LRP2: variants seen among roughly 807,000 people sequenced by gnomAD.
LRP2 encodes the protein low-density lipoprotein receptor-related protein 2.
In LRP2, 172 loss-of-function variants were observed where a neutral mutation model predicts 531.0. The observed-to-expected ratio is 0.32, with a 90% confidence interval of 0.29 to 0.37. The LOEUF (loss-of-function observed/expected upper bound fraction) is 0.37, where lower values mean the gene tolerates loss of function less well. LRP2 is among the 10% of genes least tolerant of loss of function. The pLI is 1.00. For missense variants in LRP2, 5,167 were observed against 5,868.3 expected, an observed-to-expected ratio of 0.88 and a Z score of 3.90; for synonymous variants, 1,992 against 2,027.6, an observed-to-expected ratio of 0.98 and a Z score of 0.47.
At chr2:169,156,162 A>C in intron 65 of LRP2, 112 bp downstream of exon 65, 2 of 1,485,546 alleles carry the variant, frequency 1.3e-6, no homozygotes, top group Non-Finnish European at 1.8e-6. Flanking sequence ...AGTTTAAAAA[A>C]AAAGAAAGAA....
At chr2:169,230,064 C>A (rs1307259548) in intron 31 of LRP2, among the ~76,000 whole-genome samples, 1 of 152,182 alleles carries the variant, frequency 6.6e-6, no homozygotes, top group Non-Finnish European at 1.5e-5. Context: ...AAAGTCAACC[C>A]ATGAGAAAAC....
At chr2:169,257,287 G>T in intron 17 of LRP2, 38 bp from the exon 18 acceptor site, 1 of 1,604,696 alleles carries the variant, frequency 6.2e-7, no homozygotes, top group South Asian at 1.1e-5. Context: ...TGTTAACACT[G>T]GGACAAACTA....
intron 46 of LRP2, among the ~76,000 whole-genome samples, chr2:169,195,427 A>G (rs1687973372): frequency 6.6e-6 from 1 of 152,172 alleles, no homozygotes; most frequent in African/African-American, 2.4e-5. Context: ...ACCTTTGAGG[A>G]GTGAGGGGAT....
At chr2:169,173,275 C>A (rs771044994) in intron 56 of LRP2, 51 bp from the exon 57 acceptor site, 48 of 1,610,662 alleles carry the variant, frequency 3.0e-5, no homozygotes, top group Non-Finnish European at 4.0e-5. Flanking sequence ...AAGAAAGCAC[C>A]TTTCCATTGT....
rs1559041763 is a variant in LRP2, at chr2:169,256,157, G to C, written c.2719C>G (p.Leu907Val). 1 of 1,612,838 alleles carries C rather than the reference G, an allele frequency of 6.2e-7. No homozygotes were observed. The highest frequency in any genetic ancestry group is 2.2e-5 in the East Asian group (1 of 44,802). The change falls in exon 19 of 79, where the codon CTG (leucine) becomes GTG (valine). Residue 907 changes from leucine to valine, a missense_variant. Coordinates refer to ENST00000649046, the MANE Select transcript of LRP2 (RefSeq NM_004525.3). ...STFDGLDRRR[L>V]GHIEQMTHPF... ...TGTGTCATCTGCTCTATATGGCCCA[G>C]TCTTCTTCTGTCTAAACCATCAAAG...
chr2:169,309,255 T>C lies in LRP2; in HGVS notation c.311-1858A>G, dbSNP rs565007511. On this transcript the variant is annotated intron_variant, in intron 3 of 78. Coordinates refer to ENST00000649046, the MANE Select transcript of LRP2 (RefSeq NM_004525.3). ...AGATCCCATTTATCAATTTTGGCTT[T>C]TGTTACCATTGCTTTTGGTGTTTTA... 4.7e-4 allele frequency among the ~76,000 whole-genome samples: 71 copies of C among 152,334 alleles called. 1 individual carries two copies. Among genetic ancestry groups the C allele is most frequent in the Admixed American group, 3.2e-3 (49 of 15,304 alleles).
chr2:169,175,282 C>T lies in LRP2; in HGVS notation c.10679G>A (p.Cys3560Tyr), dbSNP rs916137556. 1 of 1,614,100 alleles carries T rather than the reference C, an allele frequency of 6.2e-7. No individual in the cohort carries two copies. Among genetic ancestry groups the T allele is most frequent in the African/African-American group, 1.3e-5 (1 of 74,926 alleles). The part of the protein sequence containing the change: ...QRFCRLGQFQ[C>Y]SDGNCTSPQT... ...CGGGCTGGTGCAGTTGCCGTCACTG[C>T]ACTGGAACTGTCCCAGTCGGCAGAA... Residue 3560 changes from cysteine to tyrosine, a missense_variant, in exon 55 of 79, where the codon TGC becomes TAC. Transcript: ENST00000649046.
chr2:169,279,020 TA>T (rs1472265752), intron 12 of LRP2, among the ~76,000 whole-genome samples: 2 of 152,208 alleles, frequency 1.3e-5, no homozygotes, highest in African/African-American at 4.8e-5. Flanking sequence ...TAATGAAGCA[TA>T]AGTGATGTTT....
chr2:169,347,143 A>C (rs1030078538), intron 1 of LRP2, among the ~76,000 whole-genome samples: 4 of 152,160 alleles, frequency 2.6e-5, no homozygotes, highest in African/African-American at 9.7e-5. Flanking sequence ...TGCTCTGACA[A>C]ACATTTACTG....
intron 50 of LRP2, among the ~76,000 whole-genome samples, chr2:169,184,310 C>T (rs2284679): frequency 0.73 from 110,952 of 152,070 alleles, 40,749 homozygotes; most frequent in South Asian, 0.82. Flanking sequence ...GCTTAGTCAA[C>T]GTTTCATTTA....
chr2:169,141,658 A>G (rs1267563060), intron 71 of LRP2, among the ~76,000 whole-genome samples: 1 of 152,276 alleles, frequency 6.6e-6, no homozygotes, highest in Non-Finnish European at 1.5e-5. Context: ...GTAGTAGATG[A>G]GGTGACAACC....
chr2:169,331,067 C>T (rs2105538439), intron 1 of LRP2, among the ~76,000 whole-genome samples: 1 of 152,214 alleles, frequency 6.6e-6, no homozygotes, highest in East Asian at 1.9e-4. Flanking sequence ...ATGCTCCATT[C>T]CATCACACGT....
chr2:169,301,925 A>C (rs902738195), intron 4 of LRP2, among the ~76,000 whole-genome samples: 1 of 152,136 alleles, frequency 6.6e-6, no homozygotes, highest in African/African-American at 2.4e-5. Context: ...ATCCTTTTGA[A>C]TATTAGAGGG....
At chr2:169,360,019 G>A (rs1686101516) in intron 1 of LRP2, among the ~76,000 whole-genome samples, 1 of 151,774 alleles carries the variant, frequency 6.6e-6, no homozygotes, top group African/African-American at 2.4e-5. Context: ...CAGCTACTTG[G>A]GAGGCTGAGG....
chr2:169,353,762 G>A (rs544707837), intron 1 of LRP2, among the ~76,000 whole-genome samples: 13 of 152,162 alleles, frequency 8.5e-5, no homozygotes, highest in Non-Finnish European at 1.8e-4. Context: ...AAGCTGAGGC[G>A]GGAGGATCAC....
At position 169,129,040 on chromosome 2, in the gene LRP2, G is replaced by A. The variant is rs1329300621; in HGVS notation, c.13773C>T (p.Thr4591=). Residue 4591 remains threonine, a synonymous_variant, in exon 78 of 79, where the codon ACC becomes ACT. Coordinates refer to ENST00000649046, the MANE Select transcript of LRP2 (RefSeq NM_004525.3). ...GTGCATAGATTGGATTTTCAAAGTT[G>A]GTAGTTTGTTTAGATTTTCGTTTGA... is the stretch of plus-strand genomic sequence containing the variant. ...NLFKRKSKQT[T]NFENPIYAQM... is the part of the protein sequence containing the mutation. The A allele has an allele frequency of 1.2e-6, 2 of 1,612,294 alleles. No homozygotes were observed. The highest frequency in any genetic ancestry group is 1.7e-6 in the Non-Finnish European group (2 of 1,178,436).
In LRP2 at chr2:169,175,403, A is replaced by G. The variant is rs1687154936; in HGVS notation, c.10572-14T>C. On this transcript the variant is annotated splice_polypyrimidine_tract_variant and intron_variant, in intron 54 of 78. Coordinates refer to ENST00000649046, the MANE Select transcript of LRP2 (RefSeq NM_004525.3). ...ATAGGAATGCACCTGCACAGAGAAC[A>G]TACAGCACTTCTTTAGCAAAGCACC... 6.2e-7 allele frequency: 1 copy of G among 1,613,036 alleles called. No homozygotes were observed. Among genetic ancestry groups the G allele is most frequent in the South Asian group, 1.1e-5 (1 of 90,996 alleles).
At chr2:169,256,007 G>T in intron 19 of LRP2, 99 bp downstream of exon 19, 2 of 1,337,530 alleles carry the variant, frequency 1.5e-6, no homozygotes, top group African/African-American at 1.5e-5. Flanking sequence ...AAAGTGGCCA[G>T]CTTTTCTGGG....
chr2:169,222,110 CTTAA>C (rs1689039989), intron 33 of LRP2, among the ~76,000 whole-genome samples: 1 of 152,186 alleles, frequency 6.6e-6, no homozygotes, highest in Admixed American at 6.5e-5. Context: ...TTCCTATTTT[CTTAA>C]TTAATCCAAC....
Sources: gnomAD v4.1 joint callset for allele counts (sites outside exome capture counted in the v4.1 genomes callset) on GRCh38, gnomAD v4.1.1 for gene constraint, MANE v1.5 for transcripts, NCBI Gene and HGNC (gene_info 2026-07-23, HGNC 2026-07-21) for gene names.